The following AHCYL2 variants were observed in gnomAD, a reference collection of about 807,000 sequenced individuals.
The protein encoded by AHCYL2 is adenosylhomocysteinase like 2.
In AHCYL2, 28 loss-of-function variants were observed where a neutral mutation model predicts 81.4. The observed-to-expected ratio is 0.34, with a 90% CI of 0.25 to 0.47. The LOEUF (loss-of-function observed/expected upper bound fraction) is 0.47. AHCYL2 is among the 20% of genes least tolerant of loss of function. The pLI, the probability that AHCYL2 is intolerant of heterozygous loss-of-function variation, is 1.00. For synonymous variants in AHCYL2, 272 were observed against 290.2 expected (o/e 0.94, Z 0.64); for missense variants, 551 against 785.1 (o/e 0.70, Z 3.56).
At chr7:129,226,604 A>T (rs1349354655) in intron 1 of AHCYL2, among the ~76,000 whole-genome samples, 1 of 152,230 alleles carries the variant, frequency 6.6e-6, no homozygotes, top group East Asian at 1.9e-4. Flanking sequence ...CCTTGGATCC[A>T]CCATAACTTT....
intron 1 of AHCYL2, among the ~76,000 whole-genome samples, chr7:129,279,244 G>GT (rs796201644): frequency 0.037 from 5,241 of 142,954 alleles, 94 homozygotes; most frequent in Admixed American, 0.067. Flanking sequence ...GTGTTTGGTA[G>GT]TTTTTTTTTT....
At chr7:129,425,164 C>G (rs1797303946) in intron 15 of AHCYL2, 23 bp downstream of exon 15, 1 of 1,598,332 alleles carries the variant, frequency 6.3e-7, no homozygotes, top group African/African-American at 1.3e-5. Flanking sequence ...TCTTCCATCT[C>G]CATCCTTACC....
intron 10 of AHCYL2, among the ~76,000 whole-genome samples, chr7:129,408,188 C>T (rs968449551): frequency 1.3e-5 from 2 of 152,038 alleles, no homozygotes; most frequent in African/African-American, 4.8e-5. Flanking sequence ...GGAAAGGAAG[C>T]GACATGATCC....
At chr7:129,304,491 T>C (rs1015112830) in intron 1 of AHCYL2, among the ~76,000 whole-genome samples, 1 of 152,244 alleles carries the variant, frequency 6.6e-6, no homozygotes, top group African/African-American at 2.4e-5. Context: ...TTGAAGTCTC[T>C]AGCTAGCTAT....
At chr7:129,301,865 A>C (rs548944632) in intron 1 of AHCYL2, among the ~76,000 whole-genome samples, 1 of 144,836 alleles carries the variant, frequency 6.9e-6, no homozygotes, top group African/African-American at 2.5e-5. Context: ...GTTCTATATA[A>C]ATTTTAGGAT....
In AHCYL2 at chr7:129,413,704, T is replaced by A; in HGVS notation, c.1461+16T>A. ...GATTGACGTGGTAAGATCAAGTAGC[T>A]CATTATTGGGGGCTTTTTTCTCTCC... On this transcript the variant is annotated intron_variant, in intron 12 of 16. Transcript: ENST00000325006. 1 of 1,607,674 alleles carries A rather than the reference T, an allele frequency of 6.2e-7. No individual in the cohort carries two copies. The highest frequency in any genetic ancestry group is 8.5e-7 in the Non-Finnish European group (1 of 1,174,454).
At chr7:129,374,998 C>T (rs1466400960) in intron 1 of AHCYL2, among the ~76,000 whole-genome samples, 2 of 151,784 alleles carry the variant, frequency 1.3e-5, no homozygotes, top group Admixed American at 6.6e-5. Flanking sequence ...GATTCTTTGC[C>T]CTTTTGCTTG....
Position 129,413,640 on chromosome 7 carries a change from T to G in AHCYL2, c.1413T>G (p.Asn471Lys). The G allele has an allele frequency of 6.2e-7, 1 of 1,614,184 alleles. No homozygotes were observed. The highest frequency in any genetic ancestry group is 1.1e-5 in the South Asian group (1 of 91,084). Residue 471 changes from asparagine to lysine, a missense_variant, in exon 12 of 17, where the codon AAT (asparagine) becomes AAG (lysine). Coordinates refer to ENST00000325006, the MANE Select transcript of AHCYL2 (RefSeq NM_015328.4). ...VTREHLDRMKNSCIVCNMGHS... is the reference protein window; with the variant it reads ...VTREHLDRMKKSCIVCNMGHS... ...GAGAGCACTTGGACCGTATGAAGAA[T>G]AGCTGCATCGTTTGTAACATGGGAC...
At chr7:129,237,542 T>G (rs1052697467) in intron 1 of AHCYL2, among the ~76,000 whole-genome samples, 3 of 113,600 alleles carry the variant, frequency 2.6e-5, no homozygotes, top group African/African-American at 6.0e-5. Context: ...ATAGAAATAC[T>G]TGCTATTTTA....
intron 1 of AHCYL2, among the ~76,000 whole-genome samples, chr7:129,238,186 T>C (rs756823026): frequency 5.3e-5 from 8 of 152,208 alleles, no homozygotes; most frequent in Non-Finnish European, 1.0e-4. Flanking sequence ...AAATAAAGAT[T>C]CTTCTTCAAC....
At chr7:129,237,184 A>C (rs1023775549) in intron 1 of AHCYL2, among the ~76,000 whole-genome samples, 1 of 152,060 alleles carries the variant, frequency 6.6e-6, no homozygotes, top group Admixed American at 6.6e-5. Flanking sequence ...TCCAACCCCA[A>C]ATTTATAAAC....
intron 1 of AHCYL2, among the ~76,000 whole-genome samples, chr7:129,363,646 C>T (rs1342241205): frequency 1.3e-5 from 2 of 152,056 alleles, no homozygotes; most frequent in Non-Finnish European, 2.9e-5. Context: ...AAGCAGTTCT[C>T]CCTGCCTCAG....
intron 1 of AHCYL2, among the ~76,000 whole-genome samples, chr7:129,255,808 A>T (rs1381674477): frequency 1.3e-5 from 2 of 152,200 alleles, no homozygotes; most frequent in African/African-American, 4.8e-5. Context: ...TACTAAAAAA[A>T]ATACAAAAAT....
chr7:129,244,320 A>G (rs1369869892), intron 1 of AHCYL2, among the ~76,000 whole-genome samples: 1 of 152,042 alleles, frequency 6.6e-6, no homozygotes, highest in African/African-American at 2.4e-5. Flanking sequence ...TATTTTCCAT[A>G]TGGATAACCA....
At chr7:129,281,448 C>A (rs987692425) in intron 1 of AHCYL2, among the ~76,000 whole-genome samples, 7 of 132,610 alleles carry the variant, frequency 5.3e-5, no homozygotes, top group Admixed American at 3.7e-4. Flanking sequence ...TATTTTCTTT[C>A]TTCTGGTTGC....
intron 1 of AHCYL2, among the ~76,000 whole-genome samples, chr7:129,229,543 C>T (rs1031250015): frequency 6.6e-6 from 1 of 152,236 alleles, no homozygotes; most frequent in Non-Finnish European, 1.5e-5. Context: ...CTGTCCGTCT[C>T]CAAAGCCCAT....
chr7:129,250,989 C>T (rs894035745), intron 1 of AHCYL2, among the ~76,000 whole-genome samples: 1 of 152,178 alleles, frequency 6.6e-6, no homozygotes, highest in Non-Finnish European at 1.5e-5. Context: ...TTTGTGTTTT[C>T]TGATGCTGTT....
chr7:129,232,786 C>T (rs1490942737), intron 1 of AHCYL2, among the ~76,000 whole-genome samples: 1 of 152,252 alleles, frequency 6.6e-6, no homozygotes, highest in Non-Finnish European at 1.5e-5. Flanking sequence ...AACCAAGCTG[C>T]AGCATCTCCT....
intron 1 of AHCYL2, among the ~76,000 whole-genome samples, chr7:129,334,032 T>C (rs548170938): frequency 7.2e-4 from 110 of 152,296 alleles, no homozygotes; most frequent in African/African-American, 2.5e-3. Context: ...TTTCCTCTTT[T>C]TATAGCTGTA....
Sources: gnomAD v4.1 joint callset for allele counts (sites outside exome capture counted in the v4.1 genomes callset) on GRCh38, gnomAD v4.1.1 for gene constraint, MANE v1.5 for transcripts, NCBI Gene and HGNC (gene_info 2026-07-23, HGNC 2026-07-21) for gene names.